Variants in ZBTB14 observed in about 807,000 individuals in gnomAD.
ZBTB14 encodes zinc finger and BTB domain-containing protein 14.
In ZBTB14, 8 loss-of-function variants were observed where a neutral mutation model predicts 29.5. That is an observed-to-expected ratio of 0.27 (90% CI 0.16 to 0.49). The LOEUF (loss-of-function observed/expected upper bound fraction) is 0.49. Ranked by LOEUF, ZBTB14 falls within the 20% of genes least tolerant of loss-of-function variation. The probability of loss-of-function intolerance (pLI) is 0.99; values close to 1 mark genes in which losing one functional copy is unlikely to be tolerated. For synonymous variants in ZBTB14, 226 were observed against 207.2 expected (o/e 1.09, Z -0.78); for missense variants, 333 against 563.8 (o/e 0.59, Z 4.15).
chr18:5,291,164 T>C lies in ZBTB14; in HGVS notation c.1044A>G (p.Leu348=). 1 of 1,614,256 alleles carries C rather than the reference T, an allele frequency of 6.2e-7. No homozygotes were observed. Among genetic ancestry groups the C allele is most frequent in the Non-Finnish European group, 8.5e-7 (1 of 1,180,042 alleles). Residue 348 remains leucine, a synonymous_variant, in exon 4 of 4, where the codon TTA becomes TTG. Transcript: ENST00000651870. The surrounding 1 kb of genome is among the most constrained non-coding windows in gnomAD (Gnocchi z 5.8). ...TACTGTGAACTCTCTCATGCTTCTTTAAGTCTGGGGCACGGATAAATGATT... is the reference window on the plus strand; with the variant it reads ...TACTGTGAACTCTCTCATGCTTCTTCAAGTCTGGGGCACGGATAAATGATT... The part of the protein sequence containing the change: ...CGKSFIRAPD[L]KKHERVHSNE...
Position 5,289,831 on chromosome 18 carries a change from AT to A in ZBTB14, c.*1026del, listed in dbSNP as rs1681650338. On this transcript the variant is annotated 3_prime_UTR_variant, in exon 4 of 4. Coordinates refer to ENST00000651870, the MANE Select transcript of ZBTB14 (RefSeq NM_001243702.2). ...TATTTACACACTTAAAAGATTTTAA[AT>A]TTATTAATTTAAGTAAGCATACTGC... 1 of 152,624 alleles carries A rather than the reference AT, an allele frequency of 6.6e-6. No homozygotes were observed. The highest frequency in any genetic ancestry group is 2.4e-5 in the African/African-American group (1 of 41,456). 9.5% of individuals were successfully genotyped at this position (152,624 alleles called of 1,614,324 possible).
Position 5,292,076 on chromosome 18 carries a change from A to T in ZBTB14, c.132T>A (p.Asp44Glu). Residue 44 changes from aspartate (D) to glutamate (E), a missense_variant, in exon 4 of 4, where the codon GAT becomes GAA. Asp to Glu is a conservative substitution (Grantham distance 45, BLOSUM62 2). This residue lies in a region of ZBTB14 where 67 missense variants were observed against 157.0 expected (regional missense o/e 0.43). Coordinates refer to ENST00000651870, the MANE Select transcript of ZBTB14 (RefSeq NM_001243702.2). ...CACATCTGTGTGCTCTGAATTTCAC[A>T]TCCTCAACCACAATAGCAATATCAC... Reference protein sequence around the residue: ...EFCDIAIVVEDVKFRAHRCVL... With the variant: ...EFCDIAIVVEEVKFRAHRCVL... 6.2e-7 allele frequency: 1 copy of T among 1,610,856 alleles called. No individual in the cohort carries two copies. Among genetic ancestry groups the T allele is most frequent in the Non-Finnish European group, 8.5e-7 (1 of 1,179,982 alleles).
rs1017142329 is a variant in ZBTB14 at position 5,289,347 on chromosome 18, A to G, written c.*1511T>C. ...AATTAAAAAATCAAATTTCTTTCACAATAGAATTACAGGTGTTAATGCAAC... is the reference window on the plus strand; with the variant it reads ...AATTAAAAAATCAAATTTCTTTCACGATAGAATTACAGGTGTTAATGCAAC... On this transcript the variant is annotated 3_prime_UTR_variant, in exon 4 of 4. Transcript: ENST00000651870. 1 of 152,254 alleles carries G rather than the reference A, an allele frequency of 6.6e-6. No homozygotes were observed. Among genetic ancestry groups the G allele is most frequent in the Non-Finnish European group, 1.5e-5 (1 of 68,044 alleles). The allele number at this position is 152,254 out of a possible 1,614,324, so 9.4% of individuals were successfully genotyped here. A position where few individuals can be genotyped will look rare whatever the true frequency, so the allele number is the denominator to read the frequency against.
At chr18:5,293,151 G>T in intron 3 of ZBTB14, 93 bp downstream of exon 3, 1 of 1,289,390 alleles carries the variant, frequency 7.8e-7, no homozygotes, top group Non-Finnish European at 1.1e-6. Flanking sequence ...CAGACAAATA[G>T]AAGTGTTCAT....
At chr18:5,296,555 C>G (rs1317245579), upstream of ZBTB14, among the ~76,000 whole-genome samples, 1 of 151,954 alleles carries the variant, frequency 6.6e-6, no homozygotes, top group Non-Finnish European at 1.5e-5. Context: ...CTTTCGCCCT[C>G]CGCGCACACC....
At chr18:5,295,313 T>C (rs1025872842) in intron 1 of ZBTB14, among the ~76,000 whole-genome samples, 79 of 142,296 alleles carry the variant, frequency 5.6e-4, no homozygotes, top group African/African-American at 2.0e-3. Flanking sequence ...CGCGGCCGGC[T>C]AACCCAAGCT....
Position 5,291,666 on chromosome 18 carries a change from G to T in ZBTB14, c.542C>A (p.Thr181Lys). The T allele has an allele frequency of 6.2e-7, 1 of 1,614,100 alleles. No homozygotes were observed. The highest frequency in any genetic ancestry group is 8.5e-7 in the Non-Finnish European group (1 of 1,180,040). The change falls in exon 4 of 4, where the codon ACA (threonine) becomes AAA (lysine). Residue 181 changes from threonine (T) to lysine (K), a missense_variant. This residue lies in a region of ZBTB14 where 126 missense variants were observed against 132.2 expected (regional missense o/e 0.95). Transcript: ENST00000651870. The surrounding 1 kb of genome is among the most constrained non-coding windows in gnomAD (Gnocchi z 5.8). ...CTTGCCGTCCTCCTGACTCGGGGGT[G>T]TGCCTTCTACTGTGTCATCAGAAGG... ...DSPSDDTVEG[T>K]PPSQEDGKSP...
Position 5,291,400 on chromosome 18 carries a change from A to G in ZBTB14, c.808T>C (p.Tyr270His). Reference sequence around the variant, plus strand: ...GCAATCTGCTCCCGATGGTGACCATAAAGCAAATACTCAAACTTCATGTCA... The same window carrying G: ...GCAATCTGCTCCCGATGGTGACCATGAAGCAAATACTCAAACTTCATGTCA... Reference protein sequence around the residue: ...ASDMKFEYLLYGHHREQIACQ... With the variant: ...ASDMKFEYLLHGHHREQIACQ... Residue 270 changes from tyrosine to histidine, a missense_variant, in exon 4 of 4, where the codon TAT (tyrosine) becomes CAT (histidine). By Grantham distance (83) the Tyr-to-His change is moderately conservative. Coordinates refer to ENST00000651870, the MANE Select transcript of ZBTB14 (RefSeq NM_001243702.2). This position sits in a 1 kb window ranked among gnomAD's most constrained non-coding sequence, Gnocchi z 5.8. 1 of 1,614,240 alleles carries G rather than the reference A, an allele frequency of 6.2e-7. No individual in the cohort carries two copies. The highest frequency in any genetic ancestry group is 8.5e-7 in the Non-Finnish European group (1 of 1,180,042).
upstream of ZBTB14, chr18:5,296,227 A>T (rs1356467986): frequency 1.3e-5 from 2 of 149,380 alleles, no homozygotes; most frequent in African/African-American, 2.5e-5. Context: ...TGGCCTGCGC[A>T]CGCGCGCGCA....
intron 1 of ZBTB14, among the ~76,000 whole-genome samples, chr18:5,294,413 G>C (rs915677453): frequency 1.3e-5 from 2 of 152,162 alleles, no homozygotes; most frequent in African/African-American, 4.8e-5. Context: ...AAGTGCATGG[G>C]ACCAGAGAGA....
Position 5,291,452 on chromosome 18 carries a change from C to T in ZBTB14, c.756G>A (p.Gln252=), listed in dbSNP as rs1157695477. ...TGGCGGCTGTTGTCCAGCCTGGTGTCTGTTCATCTTTCACTTCACTCATCC... is the reference window on the plus strand; with the variant it reads ...TGGCGGCTGTTGTCCAGCCTGGTGTTTGTTCATCTTTCACTTCACTCATCC... The part of the protein sequence containing the change: ...NDGMSEVKDE[Q]TPGWTTAASD... The change falls in exon 4 of 4, where the codon CAG becomes CAA. Residue 252 remains glutamine, a synonymous_variant. Coordinates refer to ENST00000651870, the MANE Select transcript of ZBTB14 (RefSeq NM_001243702.2). This position sits in a 1 kb window ranked among gnomAD's most constrained non-coding sequence, Gnocchi z 5.8. 2 of 1,614,192 alleles carry T rather than the reference C, an allele frequency of 1.2e-6. No homozygotes were observed. Among genetic ancestry groups the T allele is most frequent in the East Asian group, 4.5e-5 (2 of 44,874 alleles).
Position 5,293,299 on chromosome 18 carries a change from G to C in ZBTB14, c.-53C>G. ...CTTGAACGCCAAAATCTTCAGATCA[G>C]AGTAACTCTGATCAGGAGCACGCCA... On this transcript the variant is annotated 5_prime_UTR_variant, in exon 3 of 4. Transcript: ENST00000651870. 7 of 1,606,446 alleles carry C rather than the reference G, an allele frequency of 4.4e-6. No individual in the cohort carries two copies. In the South Asian group the frequency reaches 6.6e-5, roughly 15 times the overall value.
chr18:5,291,577 G>T lies in ZBTB14; in HGVS notation c.631C>A (p.Arg211=). The T allele has an allele frequency of 6.2e-7, 1 of 1,613,678 alleles. No individual in the cohort carries two copies. The highest frequency in any genetic ancestry group is 1.7e-5 in the Admixed American group (1 of 60,004). The part of the protein sequence containing the change: ...ILKELGSEEV[R]KVNCYGQEVE... ...TCCTGGCCGTAGCAATTGACCTTCC[G>T]AACTTCCTCACTCCCCAGCTCTTTC... Residue 211 remains arginine, a synonymous_variant, in exon 4 of 4, where the codon CGG becomes AGG. Transcript: ENST00000651870. This position sits in a 1 kb window ranked among gnomAD's most constrained non-coding sequence, Gnocchi z 5.8.
Position 5,289,416 on chromosome 18 carries a change from T to C in ZBTB14, c.*1442A>G, listed in dbSNP as rs2071763457. On this transcript the variant is annotated 3_prime_UTR_variant, in exon 4 of 4. Transcript: ENST00000651870. ...ACTTTAATTTTTTTAAAAGAAATCC[T>C]AGCAATGAAAAATGAGTTTGAAAAA... 6.6e-6 allele frequency: 1 copy of C among 152,252 alleles called. No individual in the cohort carries two copies. Among genetic ancestry groups the C allele is most frequent in the Admixed American group, 6.5e-5 (1 of 15,290 alleles). The allele number at this position is 152,252 out of a possible 1,614,324, so 9.4% of individuals were successfully genotyped here.
At chr18:5,295,551 C>G (rs1362807174) in intron 1 of ZBTB14, 101 bp downstream of exon 1, 1 of 144,690 alleles carries the variant, frequency 6.9e-6, no homozygotes, top group Non-Finnish European at 1.5e-5. Context: ...GCGGGGCCGC[C>G]GCCGCCTGGC....
At chr18:5,295,560 GCCGCTCCCCGAGC>G (rs2071938811) in intron 1 of ZBTB14, 79 bp downstream of exon 1, 1 of 144,526 alleles carries the variant, frequency 6.9e-6, no homozygotes, top group Admixed American at 6.8e-5. Context: ...CCGCCGCCTG[GCCGCTCCCCGAGC>G]CCGCTCGCCG....
intron 1 of ZBTB14, among the ~76,000 whole-genome samples, chr18:5,294,619 G>C (rs1226252043): frequency 6.6e-6 from 1 of 151,952 alleles, no homozygotes; most frequent in East Asian, 1.9e-4. Context: ...GCTCAGTTCA[G>C]GTGAGTCAAA....
At chr18:5,292,964 T>A (rs1036586938) in intron 3 of ZBTB14, among the ~76,000 whole-genome samples, 48 of 152,216 alleles carry the variant, frequency 3.2e-4, no homozygotes, top group Non-Finnish European at 3.1e-4. Flanking sequence ...CAGATAAAAG[T>A]GCCATCAACA....
chr18:5,290,794 CTCAT>C lies in ZBTB14; in HGVS notation c.*60_*63del. 2 of 1,557,198 alleles carry C rather than the reference CTCAT, an allele frequency of 1.3e-6. No individual in the cohort carries two copies. Among genetic ancestry groups the C allele is most frequent in the East Asian group, 2.3e-5 (1 of 44,444 alleles). On this transcript the variant is annotated 3_prime_UTR_variant, in exon 4 of 4. Transcript: ENST00000651870. ...ACAAAAATATTGTAACTGGCATTCA[CTCAT>C]TATGATCCACGTCATCTCAGTCTCC... is the stretch of plus-strand genomic sequence containing the variant.
Sources: allele counts gnomAD v4.1 joint callset (sites outside exome capture counted in the v4.1 genomes callset), GRCh38; gene constraint gnomAD v4.1.1; regional missense constraint gnomAD v4.1.1; non-coding constraint Gnocchi (gnomAD v3.1); transcripts MANE v1.5; gene names NCBI Gene and HGNC (gene_info 2026-07-23, HGNC 2026-07-21).